The following HAUS6 variants were observed in gnomAD, a reference collection of about 807,000 sequenced individuals.
The protein encoded by HAUS6 is HAUS augmin like complex subunit 6.
Under a neutral mutation model 106.8 loss-of-function variants are expected in HAUS6, and 80 were observed. The ratio of observed to expected loss-of-function variants is 0.75; its 90% CI spans 0.63 to 0.90. HAUS6 has a LOEUF of 0.90. Ranked by LOEUF, HAUS6 falls within the 40% of genes least tolerant of loss-of-function variation. HAUS6 has a pLI of 0.00. For synonymous variants in HAUS6, 356 were observed against 379.1 expected, an observed-to-expected ratio of 0.94 and a Z score of 0.71; for missense variants, 1,155 against 1,118.1, an observed-to-expected ratio of 1.03 and a Z score of -0.47.
Position 19,056,087 on chromosome 9 carries a change from A to G in HAUS6, c.*256T>C, listed in dbSNP as rs2131091719. On this transcript the variant is annotated 3_prime_UTR_variant, in exon 17 of 17. Coordinates refer to ENST00000380502, the MANE Select transcript of HAUS6 (RefSeq NM_017645.5). ...GCTTACAAGATTACTCAAGAAATCA[A>G]AATGGCTTCCCATTGCTTGACGTTT... 7.7e-6 allele frequency: 3 copies of G among 388,546 alleles called. No homozygotes were observed. Among genetic ancestry groups the G allele is most frequent in the Non-Finnish European group, 1.4e-5 (3 of 217,470 alleles). The allele number at this position is 388,546 out of a possible 1,614,324, so 24.1% of individuals were successfully genotyped here.
chr9:19,063,574 G>T lies in HAUS6; in HGVS notation c.1383C>A (p.Ala461=). ...GALHDLANSP[A]SFLSQSVSSS... ...ATGAAACTGACTGCGACAAGAAAGA[G>T]GCAGGGCTAAAAGGAAAAAAGACAA... The change falls in exon 13 of 17, where the codon GCC becomes GCA. Residue 461 remains alanine (A), a synonymous_variant. Transcript: ENST00000380502. 1 of 1,603,756 alleles carries T rather than the reference G, an allele frequency of 6.2e-7. No individual in the cohort carries two copies. The highest frequency in any genetic ancestry group is 8.5e-7 in the Non-Finnish European group (1 of 1,170,596).
rs1364883280 is a variant in HAUS6, at chr9:19,070,252, T to A, written c.1343A>T (p.Asp448Val). 8 of 1,603,272 alleles carry A rather than the reference T, an allele frequency of 5.0e-6. No homozygotes were observed. Among genetic ancestry groups the A allele is most frequent in the Non-Finnish European group, 6.0e-6 (7 of 1,170,636 alleles). Residue 448 changes from aspartate to valine, a missense_variant, in exon 12 of 17, where the codon GAT becomes GTT. This residue lies in a region of HAUS6 where 761 missense variants were observed against 690.0 expected (regional missense o/e 1.10). Transcript: ENST00000380502. ...TAGATCATGTAGCGCTCCCAAGGTATCACTGTCTCCTCTGCAACCATTTTC... is the reference window on the plus strand; with the variant it reads ...TAGATCATGTAGCGCTCCCAAGGTAACACTGTCTCCTCTGCAACCATTTTC... ...NQENGCRGDSDTLGALHDLAN... is the reference protein window; with the variant it reads ...NQENGCRGDSVTLGALHDLAN...
chr9:19,080,180 A>G (rs1837109511), intron 9 of HAUS6, among the ~76,000 whole-genome samples: 1 of 150,642 alleles, frequency 6.6e-6, no homozygotes, highest in Non-Finnish European at 1.5e-5. Context: ...GTCTCAAAAA[A>G]AAAAAAAAAA....
intron 14 of HAUS6, among the ~76,000 whole-genome samples, chr9:19,061,803 C>G (rs773565124): frequency 3.3e-5 from 5 of 152,136 alleles, no homozygotes; most frequent in Non-Finnish European, 5.9e-5. Flanking sequence ...CAACTGCACT[C>G]CAGCTTGGGT....
intron 14 of HAUS6, among the ~76,000 whole-genome samples, chr9:19,061,010 C>A (rs1185470586): frequency 6.6e-6 from 1 of 152,042 alleles, no homozygotes; most frequent in Non-Finnish European, 1.5e-5. Flanking sequence ...ACTAAAAATA[C>A]AAAATTAGCT....
chr9:19,082,737 G>A (rs1239098674), intron 8 of HAUS6, 136 bp downstream of exon 8: 1 of 522,842 alleles, frequency 1.9e-6, no homozygotes, highest in Non-Finnish European at 3.2e-6. Context: ...GGCAATAAGA[G>A]CAAAATTCTG....
intron 6 of HAUS6, 65 bp from the exon 7 acceptor site, chr9:19,086,847 A>T: frequency 1.4e-6 from 1 of 729,230 alleles, no homozygotes; most frequent in East Asian, 2.7e-5. Flanking sequence ...ATATCCAAAG[A>T]GCTAATTAGT....
intron 10 of HAUS6, 46 bp from the exon 11 acceptor site, chr9:19,076,750 C>T (rs943391031): frequency 2.4e-6 from 2 of 826,838 alleles, no homozygotes; most frequent in Admixed American, 1.9e-5. Context: ...TATTTGCTAA[C>T]TACCACAATA....
chr9:19,054,843 T>C lies in HAUS6; in HGVS notation c.*1500A>G, dbSNP rs1836435908. On this transcript the variant is annotated 3_prime_UTR_variant, in exon 17 of 17. Coordinates refer to ENST00000380502, the MANE Select transcript of HAUS6 (RefSeq NM_017645.5). The stretch of plus-strand genomic sequence containing the variant: ...ACACATTAAGTGTCTAGCAGTGGCT[T>C]TGGCACTTCTGCAGATGCTGATAAG... The C allele has an allele frequency of 6.6e-6, 1 of 152,206 alleles. No individual in the cohort carries two copies. The highest frequency in any genetic ancestry group is 2.4e-5 in the African/African-American group (1 of 41,444). 9.4% of individuals were successfully genotyped at this position (152,206 alleles called of 1,614,324 possible). A position where few individuals can be genotyped will look rare whatever the true frequency, so the allele number is the denominator to read the frequency against.
At chr9:19,068,381 C>T (rs1308484182) in intron 12 of HAUS6, among the ~76,000 whole-genome samples, 1 of 150,538 alleles carries the variant, frequency 6.6e-6, no homozygotes, top group Non-Finnish European at 1.5e-5. Context: ...ATTACAGGTC[C>T]TCAGAGAAGA....
At position 19,086,801 on chromosome 9, in the gene HAUS6, T is replaced by C. The variant is rs754413872; in HGVS notation, c.651-19A>G. On this transcript the variant is annotated intron_variant, in intron 6 of 16. Transcript: ENST00000380502. The stretch of plus-strand genomic sequence containing the variant: ...TTCCATTCTAATAAAAATTAAATAA[T>C]CTAATTAGTCATATTAAAAATCACA... 13 of 949,038 alleles carry C rather than the reference T, an allele frequency of 1.4e-5. No homozygotes were observed. Among genetic ancestry groups the C allele is most frequent in the Non-Finnish European group, 2.0e-5 (12 of 603,710 alleles). 58.8% of individuals were successfully genotyped at this position (949,038 alleles called of 1,614,324 possible).
At chr9:19,061,242 A>C (rs907136226) in intron 14 of HAUS6, among the ~76,000 whole-genome samples, 3 of 152,190 alleles carry the variant, frequency 2.0e-5, no homozygotes, top group Non-Finnish European at 4.4e-5. Flanking sequence ...CCTCAAGAAA[A>C]CAGAGTGCTT....
chr9:19,062,380 T>C (rs1323973873), intron 14 of HAUS6, among the ~76,000 whole-genome samples: 1 of 152,210 alleles, frequency 6.6e-6, no homozygotes, highest in African/African-American at 2.4e-5. Flanking sequence ...AAACACTGGG[T>C]ACATTTATCT....
At chr9:19,086,691 G>T in intron 7 of HAUS6, 43 bp downstream of exon 7, 2 of 861,494 alleles carry the variant, frequency 2.3e-6, no homozygotes, top group Non-Finnish European at 3.8e-6. Context: ...GCGTATCACA[G>T]AATTTTAAAA....
chr9:19,091,464 C>G (rs1393612978), intron 4 of HAUS6, among the ~76,000 whole-genome samples: 1 of 152,096 alleles, frequency 6.6e-6, no homozygotes, highest in African/African-American at 2.4e-5. Flanking sequence ...TAAATCCAAA[C>G]ACACATATTT....
At chr9:19,062,636 TC>T (rs748796977) in intron 14 of HAUS6, among the ~76,000 whole-genome samples, 56 of 152,296 alleles carry the variant, frequency 3.7e-4, no homozygotes, top group South Asian at 8.3e-4. Flanking sequence ...TCGCTTAGGA[TC>T]CCAACACCAT....
intron 9 of HAUS6, among the ~76,000 whole-genome samples, chr9:19,079,592 C>T (rs897395558): frequency 2.6e-5 from 4 of 152,048 alleles, no homozygotes; most frequent in African/African-American, 9.7e-5. Flanking sequence ...AACTTTCACT[C>T]CCACTCTCTG....
intron 9 of HAUS6, among the ~76,000 whole-genome samples, chr9:19,078,849 A>G (rs1319082177): frequency 6.7e-6 from 1 of 148,986 alleles, no homozygotes; most frequent in Non-Finnish European, 1.5e-5. Context: ...TTAGTTTAAA[A>G]AAAAAAAAAA....
At chr9:19,091,927 C>A (rs1817758528) in intron 4 of HAUS6, among the ~76,000 whole-genome samples, 1 of 151,892 alleles carries the variant, frequency 6.6e-6, no homozygotes, top group Non-Finnish European at 1.5e-5. Context: ...CTCCCAAAGT[C>A]CTGGGATTAC....
Sources: allele counts gnomAD v4.1 joint callset (sites outside exome capture counted in the v4.1 genomes callset), GRCh38; gene constraint gnomAD v4.1.1; regional missense constraint gnomAD v4.1.1; transcripts MANE v1.5; gene names NCBI Gene and HGNC (gene_info 2026-07-23, HGNC 2026-07-21).